The following GRID2 variants were observed in gnomAD, a reference collection of about 807,000 sequenced individuals.
The protein encoded by GRID2 is glutamate receptor ionotropic, delta-2.
In GRID2, 33 loss-of-function variants were observed where a neutral mutation model predicts 114.8. The observed-to-expected ratio is 0.29, with a 90% confidence interval of 0.22 to 0.38. The LOEUF (loss-of-function observed/expected upper bound fraction) is 0.38. Ranked by LOEUF, GRID2 falls within the 10% of genes least tolerant of loss-of-function variation. The pLI, the probability that GRID2 is intolerant of heterozygous loss-of-function variation, is 1.00. For synonymous variants in GRID2, 505 were observed against 449.9 expected, an observed-to-expected ratio of 1.12 and a Z score of -1.55; for missense variants, 1,184 against 1,257.7, an observed-to-expected ratio of 0.94 and a Z score of 0.89.
chr4:93,546,209 T>G (rs1733193441), intron 13 of GRID2, among the ~76,000 whole-genome samples: 2 of 152,072 alleles, frequency 1.3e-5, no homozygotes, highest in Admixed American at 1.3e-4. Flanking sequence ...TTTGGAGGAG[T>G]GAACTAAGAC....
intron 2 of GRID2, among the ~76,000 whole-genome samples, chr4:92,835,433 ATCTG>A (rs1742386519): frequency 6.6e-6 from 1 of 152,154 alleles, no homozygotes; most frequent in African/African-American, 2.4e-5. Context: ...TGTTTATATT[ATCTG>A]TCTATCTAGT....
chr4:92,429,754 G>A (rs1453710740), intron 1 of GRID2, among the ~76,000 whole-genome samples: 4 of 151,974 alleles, frequency 2.6e-5, no homozygotes, highest in Non-Finnish European at 4.4e-5. Context: ...CCACACCCTC[G>A]CCAGCATTCA....
intron 10 of GRID2, among the ~76,000 whole-genome samples, chr4:93,427,400 G>T (rs1396523823): frequency 1.3e-5 from 2 of 151,888 alleles, no homozygotes; most frequent in East Asian, 3.9e-4. Context: ...TTAAATAAAT[G>T]TTGCCACTAA....
chr4:92,765,463 T>TG (rs1738213542), intron 2 of GRID2, among the ~76,000 whole-genome samples: 1 of 152,182 alleles, frequency 6.6e-6, no homozygotes, highest in Admixed American at 6.5e-5. Context: ...GAAGGACTGT[T>TG]GCTGCTATTC....
intron 2 of GRID2, among the ~76,000 whole-genome samples, chr4:93,047,627 G>A (rs889586502): frequency 6.6e-6 from 1 of 151,776 alleles, no homozygotes; most frequent in Admixed American, 6.6e-5. Flanking sequence ...CAGAATTATT[G>A]TACTTATCAT....
intron 2 of GRID2, among the ~76,000 whole-genome samples, chr4:92,667,415 T>G (rs1234548190): frequency 6.6e-6 from 1 of 151,656 alleles, no homozygotes; most frequent in Non-Finnish European, 1.5e-5. Context: ...TAATATAAAA[T>G]TTAGACGGTT....
At chr4:92,408,700 G>T (rs1731152727) in intron 1 of GRID2, among the ~76,000 whole-genome samples, 1 of 151,206 alleles carries the variant, frequency 6.6e-6, no homozygotes, top group Non-Finnish European at 1.5e-5. Flanking sequence ...CACCTCCTTG[G>T]TTAGATAAAC....
At chr4:93,277,999 T>C (rs1752239425) in intron 8 of GRID2, among the ~76,000 whole-genome samples, 1 of 151,838 alleles carries the variant, frequency 6.6e-6, no homozygotes, top group South Asian at 2.1e-4. Flanking sequence ...GACAAGGGAT[T>C]TGAGGTATGA....
At chr4:92,503,739 A>G (rs942767570) in intron 1 of GRID2, among the ~76,000 whole-genome samples, 5 of 152,142 alleles carry the variant, frequency 3.3e-5, no homozygotes, top group Non-Finnish European at 5.9e-5. Context: ...TTACAACTTA[A>G]TGCCAGGAAT....
At chr4:93,771,213 C>A (rs1362635802) in intron 15 of GRID2, among the ~76,000 whole-genome samples, 1 of 152,130 alleles carries the variant, frequency 6.6e-6, no homozygotes, top group Non-Finnish European at 1.5e-5. Context: ...CGTTAATACT[C>A]ACTTTTAGTG....
intron 1 of GRID2, among the ~76,000 whole-genome samples, chr4:92,373,476 C>A (rs1729211415): frequency 6.6e-6 from 1 of 152,204 alleles, no homozygotes; most frequent in South Asian, 2.1e-4. Flanking sequence ...AGTGCCAGGC[C>A]AGCTTCCAGC....
At chr4:93,020,068 C>T (rs1311197581) in intron 2 of GRID2, among the ~76,000 whole-genome samples, 9 of 151,928 alleles carry the variant, frequency 5.9e-5, no homozygotes, top group East Asian at 1.9e-4. Context: ...ATTTATAAAA[C>T]GGGAATGAAA....
At chr4:92,463,813 TG>T (rs1189721615) in intron 1 of GRID2, among the ~76,000 whole-genome samples, 2 of 152,092 alleles carry the variant, frequency 1.3e-5, no homozygotes, top group Non-Finnish European at 2.9e-5. Context: ...ATATTTCTTG[TG>T]TGGTAGTAAG....
At chr4:92,969,091 A>G (rs866242584) in intron 2 of GRID2, among the ~76,000 whole-genome samples, 3 of 151,714 alleles carry the variant, frequency 2.0e-5, no homozygotes, top group Non-Finnish European at 4.4e-5. Flanking sequence ...CAAGTCACTT[A>G]CATTTACCTT....
intron 14 of GRID2, among the ~76,000 whole-genome samples, chr4:93,746,489 G>GT (rs970914666): frequency 3.9e-4 from 59 of 151,978 alleles, no homozygotes; most frequent in Non-Finnish European, 7.1e-4. Flanking sequence ...AATATAGATT[G>GT]TTTTTTCCTA....
rs193067645 is a variant in GRID2, at chr4:92,496,338, A to G, written c.89-93793A>G. On this transcript the variant is annotated intron_variant, in intron 1 of 15. Transcript: ENST00000282020. Reference sequence around the variant, plus strand: ...ACCCTACCTTTGAAGATTTCAGTTTACTGGAATCTGAAAACAAAACAAAAC... The same window carrying G: ...ACCCTACCTTTGAAGATTTCAGTTTGCTGGAATCTGAAAACAAAACAAAAC... Among the ~76,000 whole-genome samples the G allele has an allele frequency of 1.2e-3, 189 of 151,950 alleles. 2 individuals carry two copies. Among genetic ancestry groups the G allele is most frequent in the Non-Finnish European group, 3.2e-4 (22 of 67,784 alleles).
chr4:93,208,691 C>T (rs962758527), intron 5 of GRID2, among the ~76,000 whole-genome samples: 20 of 152,064 alleles, frequency 1.3e-4, no homozygotes, highest in African/African-American at 2.2e-4. Context: ...AGAGTAAAGA[C>T]GCTGAAAACA....
intron 14 of GRID2, among the ~76,000 whole-genome samples, chr4:93,654,617 C>G (rs907952808): frequency 6.6e-6 from 1 of 151,912 alleles, no homozygotes; most frequent in Non-Finnish European, 1.5e-5. Flanking sequence ...CCTAATAAAA[C>G]AATAGATACA....
At chr4:92,975,866 C>T (rs1003493998) in intron 2 of GRID2, among the ~76,000 whole-genome samples, 13 of 152,042 alleles carry the variant, frequency 8.6e-5, no homozygotes, top group African/African-American at 2.4e-4. Flanking sequence ...TTCTCTTCTG[C>T]TCCTAAGGTG....
Sources: allele counts gnomAD v4.1 joint callset (sites outside exome capture counted in the v4.1 genomes callset), GRCh38; gene constraint gnomAD v4.1.1; transcripts MANE v1.5; gene names NCBI Gene and HGNC (gene_info 2026-07-23, HGNC 2026-07-21).